NDE1: variants seen among roughly 807,000 people sequenced by gnomAD.
NDE1 encodes the protein nuclear distribution protein nudE homolog 1.
A neutral mutation model predicts 43.4 loss-of-function variants in NDE1; 28 were observed. The observed-to-expected ratio is 0.65, with a 90% CI of 0.48 to 0.89. The LOEUF (loss-of-function observed/expected upper bound fraction) is 0.89, where lower values mean the gene tolerates loss of function less well. Ranked by LOEUF, NDE1 falls within the 40% of genes least tolerant of loss-of-function variation. The probability of loss-of-function intolerance (pLI) is 0.00; values close to 1 mark genes in which losing one functional copy is unlikely to be tolerated. For missense variants in NDE1, 441 were observed against 434.1 expected, an observed-to-expected ratio of 1.02 and a Z score of -0.14; for synonymous variants, 184 against 172.0, an observed-to-expected ratio of 1.07 and a Z score of -0.55.
chr16:15,661,837 C>G (rs2037060846), intron 1 of NDE1, among the ~76,000 whole-genome samples: 1 of 152,128 alleles, frequency 6.6e-6, no homozygotes, highest in African/African-American at 2.4e-5. Flanking sequence ...CCTCCTTTTT[C>G]TCTCTCCCCT....
At chr16:15,704,757 T>C (rs1046436923) in intron 8 of NDE1, among the ~76,000 whole-genome samples, 4 of 152,232 alleles carry the variant, frequency 2.6e-5, no homozygotes, top group Non-Finnish European at 4.4e-5. Context: ...TGCATCTGTT[T>C]TGCTGATCGT....
At chr16:15,718,602 T>C in intron 8 of NDE1, 1 of 1,122,722 alleles carries the variant, frequency 8.9e-7, no homozygotes, top group East Asian at 2.6e-5. Context: ...AGCCAGGAAG[T>C]GGACAGCCGG....
intron 1 of NDE1, among the ~76,000 whole-genome samples, chr16:15,661,917 G>C (rs762943147): frequency 2.6e-5 from 4 of 151,568 alleles, no homozygotes; most frequent in Non-Finnish European, 5.9e-5. Flanking sequence ...GTCCATTTCT[G>C]TTCCCTCCAT....
intron 8 of NDE1, among the ~76,000 whole-genome samples, chr16:15,697,836 T>C (rs2039082676): frequency 1.3e-5 from 2 of 151,452 alleles, no homozygotes; most frequent in Non-Finnish European, 2.9e-5. Flanking sequence ...TTGAGACGTC[T>C]TGCTCTGTCG....
At chr16:15,674,512 T>C (rs201271777) in intron 3 of NDE1, among the ~76,000 whole-genome samples, 1 of 152,156 alleles carries the variant, frequency 6.6e-6, no homozygotes, top group South Asian at 2.1e-4. Flanking sequence ...GCCTCCCAAA[T>C]TGCTGGGATT....
chr16:15,665,169 G>T (rs1425743884), intron 2 of NDE1, among the ~76,000 whole-genome samples: 1 of 151,864 alleles, frequency 6.6e-6, no homozygotes, highest in Non-Finnish European at 1.5e-5. Flanking sequence ...GACTACAGGT[G>T]TGAGCTCTCT....
Position 15,667,332 on chromosome 16 carries a change from C to G in NDE1, c.130C>G (p.Arg44Gly), listed in dbSNP as rs747020521. The G allele has an allele frequency of 6.2e-7, 1 of 1,614,006 alleles. No individual in the cohort carries two copies. The highest frequency in any genetic ancestry group is 8.5e-7 in the Non-Finnish European group (1 of 1,180,012). ...EELREFQEGSREYEAELETQL... is the reference protein window; with the variant it reads ...EELREFQEGSGEYEAELETQL... ...ACTCCGAGAATTCCAGGAGGGAAGCCGAGAATATGAAGCTGAATTGGAGAC... is the reference window on the plus strand; with the variant it reads ...ACTCCGAGAATTCCAGGAGGGAAGCGGAGAATATGAAGCTGAATTGGAGAC... Residue 44 changes from arginine (R) to glycine (G), a missense_variant, in exon 3 of 9, where the codon CGA becomes GGA. Arg to Gly is a moderately radical substitution (Grantham distance 125, BLOSUM62 -2). Transcript: ENST00000396354.
chr16:15,694,544 C>T (rs1417091666), intron 7 of NDE1: 89 of 825,836 alleles, frequency 1.1e-4, no homozygotes, highest in Non-Finnish European at 1.2e-4. Context: ...ATGTGGGTAT[C>T]GCTGTGTTGC....
intron 7 of NDE1, chr16:15,695,427 G>A (rs2038965574): frequency 2.2e-6 from 2 of 905,090 alleles, no homozygotes; most frequent in Non-Finnish European, 2.6e-6. Flanking sequence ...AAAATTGTTT[G>A]AATCCGGGAG....
At chr16:15,721,713 C>T in intron 8 of NDE1, 2 of 1,446,758 alleles carry the variant, frequency 1.4e-6, no homozygotes, top group Non-Finnish European at 1.9e-6. Flanking sequence ...GGGGGAAGCC[C>T]TGTGTCCTGC....
chr16:15,664,953 A>T, intron 2 of NDE1, 92 bp downstream of exon 2: 20 of 990,986 alleles, frequency 2.0e-5, no homozygotes, highest in Admixed American at 1.4e-4. Context: ...GGCTGTTCCT[A>T]GGCGTGATCA....
intron 1 of NDE1, among the ~76,000 whole-genome samples, chr16:15,654,397 C>T (rs796809983): frequency 1.3e-5 from 2 of 151,724 alleles, no homozygotes; most frequent in South Asian, 2.1e-4. Context: ...GTCAGGAGAT[C>T]GAGACCAGCC....
rs2040751244 is a variant in NDE1, at chr16:15,726,253, G to T, written c.*2002G>T. The stretch of plus-strand genomic sequence containing the variant: ...CCTTACTCGGCTGGAGTCCTACTGG[G>T]GCAGCGACAGTGTCTCTTCTTCCTT... On this transcript the variant is annotated 3_prime_UTR_variant, in exon 9 of 9. Transcript: ENST00000396354. The T allele has an allele frequency of 6.5e-6, 1 of 154,974 alleles. No individual in the cohort carries two copies. The highest frequency in any genetic ancestry group is 2.4e-5 in the African/African-American group (1 of 41,484). The allele number at this position is 154,974 out of a possible 1,614,324, so 9.6% of individuals were successfully genotyped here. A position where few individuals can be genotyped will look rare whatever the true frequency, so the allele number is the denominator to read the frequency against.
At chr16:15,703,095 T>G (rs1430972731) in intron 8 of NDE1, 3 of 178,518 alleles carry the variant, frequency 1.7e-5, no homozygotes, top group Non-Finnish European at 3.6e-5. Flanking sequence ...CCAACTCCTT[T>G]TCCTCTATAG....
At chr16:15,664,609 C>T (rs1040738832) in intron 1 of NDE1, 127 bp from the exon 2 acceptor site, 5 of 640,682 alleles carry the variant, frequency 7.8e-6, no homozygotes, top group Non-Finnish European at 1.1e-5. Flanking sequence ...CCCGCCTCAG[C>T]CTCCCAAAGT....
intron 1 of NDE1, among the ~76,000 whole-genome samples, chr16:15,660,785 A>C (rs2037004338): frequency 6.6e-6 from 1 of 151,812 alleles, no homozygotes; most frequent in African/African-American, 2.4e-5. Flanking sequence ...GTGACACTGG[A>C]ATGTTTCCCT....
chr16:15,694,110 G>C, intron 6 of NDE1, 55 bp from the exon 7 acceptor site: 1 of 1,596,774 alleles, frequency 6.3e-7, no homozygotes, highest in Non-Finnish European at 8.5e-7. Context: ...CGATGTTAAC[G>C]CACAGACATG....
At chr16:15,679,228 G>A (rs1431184747) in intron 4 of NDE1, among the ~76,000 whole-genome samples, 1 of 152,114 alleles carries the variant, frequency 6.6e-6, no homozygotes, top group Non-Finnish European at 1.5e-5. Context: ...ACTTCTGGGA[G>A]CAAGTGATCC....
At chr16:15,673,463 C>T (rs185735401) in intron 3 of NDE1, among the ~76,000 whole-genome samples, 1 of 152,172 alleles carries the variant, frequency 6.6e-6, no homozygotes, top group East Asian at 1.9e-4. Context: ...CCTTGGCCTC[C>T]CAAGTAGCTG....
Sources: gnomAD v4.1 joint callset for allele counts (sites outside exome capture counted in the v4.1 genomes callset) on GRCh38, gnomAD v4.1.1 for gene constraint, MANE v1.5 for transcripts, NCBI Gene and HGNC (gene_info 2026-07-23, HGNC 2026-07-21) for gene names.